ZNF592: variants seen among roughly 807,000 people sequenced by gnomAD.
ZNF592 encodes zinc finger protein 592, also known as spinocerebellar ataxia, autosomal recessive 5.
In ZNF592, 11 loss-of-function variants were observed where a neutral mutation model predicts 80.3. The observed-to-expected ratio is 0.14, with a 90% CI of 0.09 to 0.23. ZNF592 has a LOEUF of 0.23. ZNF592 is among the 10% of genes least tolerant of loss of function. The pLI is 1.00. For missense variants in ZNF592, 1,420 were observed against 1,633.9 expected (o/e 0.87, Z 2.26); for synonymous variants, 646 against 640.3 (o/e 1.01, Z -0.13).
intron 1 of ZNF592, among the ~76,000 whole-genome samples, chr15:84,758,428 G>A (rs577405320): frequency 2.6e-5 from 4 of 151,956 alleles, no homozygotes; most frequent in South Asian, 4.2e-4. Flanking sequence ...GACTACAGGC[G>A]TGCACCACCA....
intron 5 of ZNF592, among the ~76,000 whole-genome samples, chr15:84,797,221 C>G (rs970302965): frequency 1.9e-4 from 29 of 152,164 alleles, no homozygotes; most frequent in African/African-American, 7.0e-4. Context: ...TTGGCCTCCC[C>G]AAGTGCTGGG....
At chr15:84,761,341 G>A (rs925229019) in intron 1 of ZNF592, among the ~76,000 whole-genome samples, 2 of 152,144 alleles carry the variant, frequency 1.3e-5, no homozygotes, top group Non-Finnish European at 2.9e-5. Flanking sequence ...GAAATTTGCA[G>A]GATGACCAAG....
At chr15:84,801,194 G>A (rs570499315) in intron 10 of ZNF592, among the ~76,000 whole-genome samples, 2 of 152,326 alleles carry the variant, frequency 1.3e-5, no homozygotes, top group East Asian at 1.9e-4. Flanking sequence ...GTGTGGTGGT[G>A]TGCACCTATA....
In ZNF592 at chr15:84,798,344, T is replaced by G. The variant is rs1567077396; in HGVS notation, c.2606T>G (p.Val869Gly). ...ATTTATAAGTGCTCCTGTGAAATGGTCTTCAACAAGAAGAGGCACATTCAG... is the reference window on the plus strand; with the variant it reads ...ATTTATAAGTGCTCCTGTGAAATGGGCTTCAACAAGAAGAGGCACATTCAG... Reference protein sequence around the residue: ...QLIYKCSCEMVFNKKRHIQQH... With the variant: ...QLIYKCSCEMGFNKKRHIQQH... The change falls in exon 7 of 11, where the codon GTC becomes GGC. Residue 869 changes from valine (V) to glycine (G), a missense_variant. This residue lies in a region of ZNF592 where 331 missense variants were observed against 347.0 expected (regional missense o/e 0.95). Transcript: ENST00000560079. The surrounding 1 kb of genome is among the most constrained non-coding windows in gnomAD (Gnocchi z 4.5). 6.2e-7 allele frequency: 1 copy of G among 1,614,168 alleles called. No homozygotes were observed. The highest frequency in any genetic ancestry group is 8.5e-7 in the Non-Finnish European group (1 of 1,180,040).
rs140765036 is a variant in ZNF592 at position 84,756,963 on chromosome 15, C to T, written c.-258-7744C>T. On this transcript the variant is annotated intron_variant, in intron 1 of 10. Transcript: ENST00000560079. ...CCCGTCTCTACTAAAAATACAATAA[C>T]GTAGCTGGCCATGGTGGTGCGCGCC... 4.3e-3 allele frequency among the ~76,000 whole-genome samples: 647 copies of T among 151,950 alleles called. 5 individuals carry two copies. The highest frequency in any genetic ancestry group is 0.012 in the African/African-American group (479 of 41,448).
chr15:84,786,657 A>T (rs962669934), intron 4 of ZNF592, among the ~76,000 whole-genome samples: 2 of 151,808 alleles, frequency 1.3e-5, no homozygotes. Context: ...TTTTCTTCTG[A>T]TGCGTCAGAT....
chr15:84,753,362 G>A (rs559695116), intron 1 of ZNF592: 129 of 152,186 alleles, frequency 8.5e-4, no homozygotes, highest in African/African-American at 2.8e-3. Flanking sequence ...GCATGTGAAG[G>A]AAACACTGAT....
At position 84,784,016 on chromosome 15, in the gene ZNF592, A is replaced by G. The variant is rs1962505403; in HGVS notation, c.1341A>G (p.Lys447=). 1.2e-6 allele frequency: 2 copies of G among 1,610,562 alleles called. No individual in the cohort carries two copies. Among genetic ancestry groups the G allele is most frequent in the Middle Eastern group, 3.3e-4 (2 of 6,044 alleles). ...CAGGGAGCCCCCAGGGGGCCAGGAA[A>G]GGGGACGAGAGCATGACAAAGGCCA... ...TNSGSPQGAR[K]GDESMTKASD... The change falls in exon 4 of 11, where the codon AAA becomes AAG. Residue 447 remains lysine (K), a synonymous_variant. Coordinates refer to ENST00000560079, the MANE Select transcript of ZNF592 (RefSeq NM_014630.3). The surrounding 1 kb of genome is among the most constrained non-coding windows in gnomAD (Gnocchi z 5.8).
chr15:84,789,243 CAAAA>C (rs35184729), intron 4 of ZNF592, among the ~76,000 whole-genome samples: 1 of 139,638 alleles, frequency 7.2e-6, no homozygotes, highest in Non-Finnish European at 1.6e-5. Flanking sequence ...GACCCTGTCT[CAAAA>C]AAAAAAAAAA....
intron 1 of ZNF592, among the ~76,000 whole-genome samples, chr15:84,757,837 A>G (rs1478609137): frequency 7.6e-6 from 1 of 132,360 alleles, no homozygotes; most frequent in Non-Finnish European, 1.6e-5. Flanking sequence ...TCTTTTTTGT[A>G]TTTCAGTAGA....
At position 84,802,501 on chromosome 15, in the gene ZNF592, G is replaced by A; in HGVS notation, c.*108G>A. The A allele has an allele frequency of 3.0e-6, 4 of 1,350,822 alleles. No individual in the cohort carries two copies. Among genetic ancestry groups the A allele is most frequent in the Non-Finnish European group, 4.1e-6 (4 of 971,102 alleles). The allele number at this position is 1,350,822 out of a possible 1,614,324, so 83.7% of individuals were successfully genotyped here. A position where few individuals can be genotyped will look rare whatever the true frequency, so the allele number is the denominator to read the frequency against. ...TCTGCCCCCAGTGTGAGTGTGACCG[G>A]TTGTACCCTGGAGTAGTGTCTGCCC... On this transcript the variant is annotated 3_prime_UTR_variant, in exon 11 of 11. Coordinates refer to ENST00000560079, the MANE Select transcript of ZNF592 (RefSeq NM_014630.3).
intron 1 of ZNF592, among the ~76,000 whole-genome samples, chr15:84,759,312 A>G (rs1006606575): frequency 1.3e-5 from 2 of 152,098 alleles, no homozygotes; most frequent in African/African-American, 4.8e-5. Flanking sequence ...CACACAGGTC[A>G]CCCTCTGAGA....
At chr15:84,785,914 C>T (rs985153057) in intron 4 of ZNF592, among the ~76,000 whole-genome samples, 7 of 151,640 alleles carry the variant, frequency 4.6e-5, no homozygotes, top group Non-Finnish European at 1.0e-4. Context: ...TTGGCACCTT[C>T]TGTGTCTATG....
At chr15:84,764,363 G>C (rs913196075) in intron 1 of ZNF592, among the ~76,000 whole-genome samples, 10 of 152,174 alleles carry the variant, frequency 6.6e-5, no homozygotes, top group Admixed American at 1.3e-4. Context: ...TAACTCATTT[G>C]ATCCCTATAA....
intron 2 of ZNF592, among the ~76,000 whole-genome samples, chr15:84,767,169 G>T (rs924170680): frequency 6.6e-6 from 1 of 151,896 alleles, no homozygotes; most frequent in African/African-American, 2.4e-5. Flanking sequence ...TAATTTTTTT[G>T]TATTTTTAGT....
At chr15:84,775,992 T>C (rs1962241310) in intron 2 of ZNF592, among the ~76,000 whole-genome samples, 1 of 152,248 alleles carries the variant, frequency 6.6e-6, no homozygotes, top group Non-Finnish European at 1.5e-5. Flanking sequence ...GTCTTAGAGT[T>C]GTTCTTTACC....
At position 84,798,072 on chromosome 15, in the gene ZNF592, C is replaced by G. The variant is rs943613639; in HGVS notation, c.2576+27C>G. On this transcript the variant is annotated intron_variant, in intron 6 of 10. Coordinates refer to ENST00000560079, the MANE Select transcript of ZNF592 (RefSeq NM_014630.3). This position sits in a 1 kb window ranked among gnomAD's most constrained non-coding sequence, Gnocchi z 4.5. ...TGAGTGCAGCTCCAGGGCCAGCAGG[C>G]CCTGTGGAGCAGAGAGGAGTAGCCT... 1.2e-6 allele frequency: 2 copies of G among 1,612,242 alleles called. No homozygotes were observed. The highest frequency in any genetic ancestry group is 1.7e-5 in the Admixed American group (1 of 59,864).
chr15:84,784,320 C>T lies in ZNF592; in HGVS notation c.1645C>T (p.Pro549Ser), dbSNP rs1192457544. The change falls in exon 4 of 11, where the codon CCA becomes TCA. Residue 549 changes from proline to serine, a missense_variant. This residue lies in a region of ZNF592 where 524 missense variants were observed against 628.3 expected (regional missense o/e 0.83). Coordinates refer to ENST00000560079, the MANE Select transcript of ZNF592 (RefSeq NM_014630.3). The surrounding 1 kb of genome is among the most constrained non-coding windows in gnomAD (Gnocchi z 5.8). ...PLVHQVKKAA[P>S]LIVEVFNKVL... ...GGTCCACCAGGTGAAAAAGGCTGCC[C>T]CACTGATTGTAGAGGTCTTCAACAA... The T allele has an allele frequency of 6.2e-7, 1 of 1,614,122 alleles. No homozygotes were observed. The highest frequency in any genetic ancestry group is 1.3e-5 in the African/African-American group (1 of 74,942).
At chr15:84,775,130 C>G (rs1962206459) in intron 2 of ZNF592, among the ~76,000 whole-genome samples, 2 of 152,008 alleles carry the variant, frequency 1.3e-5, no homozygotes, top group Non-Finnish European at 2.9e-5. Flanking sequence ...GGGTCTCGCT[C>G]TGTCACCTGG....
Sources: gnomAD v4.1 joint callset for allele counts (sites outside exome capture counted in the v4.1 genomes callset) on GRCh38, gnomAD v4.1.1 for gene constraint, gnomAD v4.1.1 regional missense constraint, Gnocchi (gnomAD v3.1) non-coding constraint, MANE v1.5 for transcripts, NCBI Gene and HGNC (gene_info 2026-07-23, HGNC 2026-07-21) for gene names.